ZNF461: variants seen among roughly 807,000 people sequenced by gnomAD.
The protein encoded by ZNF461 is zinc finger protein 461.
Under a neutral mutation model 18.3 loss-of-function variants are expected in ZNF461, and 16 were observed. That is an observed-to-expected ratio of 0.88 (90% CI 0.59 to 1.33). The LOEUF (loss-of-function observed/expected upper bound fraction) is 1.33, where lower values mean the gene tolerates loss of function less well. Among genes scored for constraint, ZNF461 ranks in the 40% most tolerant of loss-of-function variants. The pLI is 0.00. For missense variants in ZNF461, 595 were observed against 669.9 expected (o/e 0.89, Z 1.23); for synonymous variants, 179 against 216.9 (o/e 0.83, Z 1.54).
At chr19:36,647,348 T>C (rs1050824499) in intron 4 of ZNF461, among the ~76,000 whole-genome samples, 1 of 152,190 alleles carries the variant, frequency 6.6e-6, no homozygotes, top group African/African-American at 2.4e-5. Context: ...GAGACCTGCC[T>C]GGCCAACATG....
chr19:36,661,963 G>A lies in ZNF461; in HGVS notation c.9+2735C>T, dbSNP rs557313264. 2.6e-5 allele frequency among the ~76,000 whole-genome samples: 4 copies of A among 151,936 alleles called. 1 individual carries two copies. Among genetic ancestry groups the A allele is most frequent in the Middle Eastern group, 6.9e-3 (2 of 290 alleles). On this transcript the variant is annotated intron_variant, in intron 2 of 5. Transcript: ENST00000588268. ...CGGCTCACTGCAACCTCTGCCTCCC[G>A]GGTTCAAGTGATTCTTCTGCTTCAG...
Position 36,660,394 on chromosome 19 carries a change from C to T in ZNF461, c.10-1969G>A, listed in dbSNP as rs564835240. On this transcript the variant is annotated intron_variant, in intron 2 of 5. Transcript: ENST00000588268. ...CAAACTCCTGACCTCAAATGATCCACCTGCCTCAGCCTCCCAAAGTGCTGG... is the reference window on the plus strand; with the variant it reads ...CAAACTCCTGACCTCAAATGATCCATCTGCCTCAGCCTCCCAAAGTGCTGG... Among the ~76,000 whole-genome samples the T allele has an allele frequency of 1.1e-3, 173 of 152,126 alleles. 1 individual carries two copies. Among genetic ancestry groups the T allele is most frequent in the African/African-American group, 3.8e-3 (159 of 41,524 alleles).
Position 36,639,517 on chromosome 19 carries a change from G to A in ZNF461, c.828C>T (p.Asn276=), listed in dbSNP as rs61746298. Residue 276 remains asparagine, a synonymous_variant, in exon 6 of 6, where the codon AAC becomes AAT. Coordinates refer to ENST00000588268, the MANE Select transcript of ZNF461 (RefSeq NM_153257.5). ...IHNGEKRYEC[N]ECGKAFNYGS... ...CATAATTAAAGGCCTTCCCACATTCGTTACATTCATAGCGTTTTTCACCAT... is the reference window on the plus strand; with the variant it reads ...CATAATTAAAGGCCTTCCCACATTCATTACATTCATAGCGTTTTTCACCAT... The A allele has an allele frequency of 0.028, 45,973 of 1,613,726 alleles. 768 individuals are homozygous for A. Among genetic ancestry groups the A allele is most frequent in the Middle Eastern group, 0.04 (244 of 6,060 alleles).
rs1425020011 is a variant in ZNF461, at chr19:36,662,032, G to A, written c.9+2666C>T. On this transcript the variant is annotated intron_variant, in intron 2 of 5. Transcript: ENST00000588268. ...TTACAAGCATGTGCCACCACGTCTG[G>A]CTAATTTTGTATTTTTAGTAGAGAC... is the stretch of plus-strand genomic sequence containing the variant. 4.6e-5 allele frequency among the ~76,000 whole-genome samples: 7 copies of A among 151,920 alleles called. No individual in the cohort carries two copies. The East Asian group carries it at 1.2e-3, about 25-fold the overall frequency.
At chr19:36,649,765 T>C (rs1031726261) in intron 4 of ZNF461, among the ~76,000 whole-genome samples, 2 of 152,238 alleles carry the variant, frequency 1.3e-5, no homozygotes, top group Admixed American at 6.5e-5. Flanking sequence ...AAAAGAAGCA[T>C]GTCAGGTAAC....
intron 4 of ZNF461, among the ~76,000 whole-genome samples, chr19:36,653,799 G>C (rs2037669473): frequency 1.3e-5 from 2 of 152,172 alleles, no homozygotes; most frequent in South Asian, 4.1e-4. Context: ...AAGGGACACA[G>C]CCAAACAATA....
intron 4 of ZNF461, among the ~76,000 whole-genome samples, chr19:36,652,544 A>G (rs1047624621): frequency 1.6e-4 from 25 of 151,810 alleles, no homozygotes; most frequent in African/African-American, 5.8e-4. Flanking sequence ...AAAAAAGAAC[A>G]TTGGAGAAAA....
At chr19:36,652,500 C>CA (rs74174423) in intron 4 of ZNF461, among the ~76,000 whole-genome samples, 39,092 of 91,720 alleles carry the variant, frequency 0.43, 6,185 homozygotes, top group African/African-American at 0.45. Context: ...GACTCCGTCT[C>CA]AAAAAAAAAA....
At chr19:36,647,063 C>T (rs1286458497) in intron 4 of ZNF461, among the ~76,000 whole-genome samples, 1 of 152,112 alleles carries the variant, frequency 6.6e-6, no homozygotes, top group Non-Finnish European at 1.5e-5. Context: ...TCCCATATAC[C>T]TAATGATGGA....
At chr19:36,657,072 A>C (rs1438599491) in intron 3 of ZNF461, among the ~76,000 whole-genome samples, 1 of 151,358 alleles carries the variant, frequency 6.6e-6, no homozygotes, top group Non-Finnish European at 1.5e-5. Context: ...CACTTGCCTC[A>C]GCGTCCCAAA....
rs1458341532 is a variant in ZNF461 at position 36,654,173 on chromosome 19, G to A, written c.232+2275C>T. On this transcript the variant is annotated intron_variant, in intron 4 of 5. Transcript: ENST00000588268. ...AAGTCTTTTTTTAAAGAAAATTCAT[G>A]CCAAGGAAAAGGCCTACCCAGGTAT... Among the ~76,000 whole-genome samples, 3 of 152,026 alleles carry A rather than the reference G, an allele frequency of 2.0e-5. No homozygotes were observed. The East Asian group carries it at 5.8e-4, about 29-fold the overall frequency.
chr19:36,652,569 G>C (rs2145394896), intron 4 of ZNF461, among the ~76,000 whole-genome samples: 1 of 150,786 alleles, frequency 6.6e-6, no homozygotes, highest in South Asian at 2.1e-4. Context: ...AAGGACCTTT[G>C]AGTAGGCAAA....
intron 1 of ZNF461, 114 bp from the exon 2 acceptor site, chr19:36,664,900 G>A (rs1027605270): frequency 2.0e-5 from 8 of 407,372 alleles, no homozygotes; most frequent in Admixed American, 1.3e-4. Context: ...TCCCAGACCT[G>A]ATACATACAT....
chr19:36,649,339 T>G lies in ZNF461; in HGVS notation c.233-5477A>C, dbSNP rs1055670413. On this transcript the variant is annotated intron_variant, in intron 4 of 5. Coordinates refer to ENST00000588268, the MANE Select transcript of ZNF461 (RefSeq NM_153257.5). ...CAGTATATTTTATTATTTATTTATG[T>G]TTTTTTTTGAGACAGAGTCTCACTC... Among the ~76,000 whole-genome samples, 7 of 16,742 alleles carry G rather than the reference T, an allele frequency of 4.2e-4. No homozygotes were observed. The East Asian group carries it at 0.029, about 70-fold the overall frequency. The allele number at this position is 16,742 out of a possible 152,430, so 11.0% of individuals were successfully genotyped here. A position where few individuals can be genotyped will look rare whatever the true frequency, so the allele number is the denominator to read the frequency against.
chr19:36,653,376 AT>A (rs1182279276), intron 4 of ZNF461, among the ~76,000 whole-genome samples: 1 of 152,234 alleles, frequency 6.6e-6, no homozygotes, highest in Non-Finnish European at 1.5e-5. Flanking sequence ...GTATTGCAGG[AT>A]TCTATTTATG....
intron 2 of ZNF461, among the ~76,000 whole-genome samples, chr19:36,663,703 T>G (rs2037855920): frequency 6.6e-6 from 1 of 151,570 alleles, no homozygotes; most frequent in Admixed American, 6.6e-5. Flanking sequence ...TTAACACAAA[T>G]TTTTTTTGTA....
In ZNF461 at chr19:36,638,784, C is replaced by T; in HGVS notation, c.1561G>A (p.Gly521Arg). 6.2e-7 allele frequency: 1 copy of T among 1,614,144 alleles called. No individual in the cohort carries two copies. Among genetic ancestry groups the T allele is most frequent in the Non-Finnish European group, 8.5e-7 (1 of 1,180,028 alleles). The part of the protein sequence containing the change: ...SFSHHQRIHS[G>R]KKPYQCGKAF... Reference sequence around the variant, plus strand: ...TTCCCGCATTGATAAGGTTTCTTTCCAGAATGAATTCTCTGATGGTGTGAG... The same window carrying T: ...TTCCCGCATTGATAAGGTTTCTTTCTAGAATGAATTCTCTGATGGTGTGAG... Residue 521 changes from glycine to arginine, a missense_variant, in exon 6 of 6, where the codon GGA becomes AGA. By Grantham distance (125) the Gly-to-Arg change is moderately radical. Coordinates refer to ENST00000588268, the MANE Select transcript of ZNF461 (RefSeq NM_153257.5).
chr19:36,660,148 C>CTTT (rs35264079), intron 2 of ZNF461, among the ~76,000 whole-genome samples: 30 of 118,466 alleles, frequency 2.5e-4, no homozygotes, highest in East Asian at 4.9e-4. Context: ...TCTCTAAAAT[C>CTTT]TTTTTTTTTT....
chr19:36,643,660 G>A (rs1159527593), intron 5 of ZNF461, 134 bp downstream of exon 5: 3 of 752,536 alleles, frequency 4.0e-6, no homozygotes, highest in East Asian at 3.6e-5. Flanking sequence ...AACAGAATGC[G>A]TGATTATGTA....
Sources: gnomAD v4.1 joint callset for allele counts (sites outside exome capture counted in the v4.1 genomes callset) on GRCh38, gnomAD v4.1.1 for gene constraint, MANE v1.5 for transcripts, NCBI Gene and HGNC (gene_info 2026-07-23, HGNC 2026-07-21) for gene names.